SREBF2: variants seen among roughly 807,000 people sequenced by gnomAD.
The protein encoded by SREBF2 is sterol regulatory element binding transcription factor 2.
Under a neutral mutation model 113.1 loss-of-function variants are expected in SREBF2, and 55 were observed. The observed-to-expected ratio is 0.49, with a 90% CI of 0.39 to 0.61. The LOEUF (loss-of-function observed/expected upper bound fraction) is 0.61, where lower values mean the gene tolerates loss of function less well. Among genes scored for constraint, SREBF2 ranks in the 20% least tolerant of loss-of-function variants. SREBF2 has a pLI of 0.00. For missense variants in SREBF2, 1,349 were observed against 1,487.4 expected (o/e 0.91, Z 1.53); for synonymous variants, 593 against 605.7 (o/e 0.98, Z 0.31).
rs1434561437 is a variant in SREBF2, at chr22:41,900,370, A to T, written c.2779A>T (p.Met927Leu). Residue 927 changes from methionine to leucine, a missense_variant, in exon 16 of 19, where the codon ATG (methionine) becomes TTG (leucine). Coordinates refer to ENST00000361204, the MANE Select transcript of SREBF2 (RefSeq NM_004599.4). The part of the protein sequence containing the change: ...VKAIFHACRA[M>L]HASLPGKADG... ...GGCCATCTTCCATGCCTGCAGAGCC[A>T]TGCATGCCTCACTCCCTGGGAAAGC... 3 of 1,613,842 alleles carry T rather than the reference A, an allele frequency of 1.9e-6. No individual in the cohort carries two copies. The highest frequency in any genetic ancestry group is 1.7e-5 in the Admixed American group (1 of 60,026).
chr22:41,840,828 G>A (rs1805628631), intron 1 of SREBF2, among the ~76,000 whole-genome samples: 1 of 152,144 alleles, frequency 6.6e-6, no homozygotes, highest in Non-Finnish European at 1.5e-5. Flanking sequence ...TGGGGCTCTG[G>A]AGAGCTGTGT....
intron 13 of SREBF2, among the ~76,000 whole-genome samples, chr22:41,896,681 CCCAGAT>C (rs1463149795): frequency 6.6e-6 from 1 of 152,158 alleles, no homozygotes; most frequent in East Asian, 1.9e-4. Flanking sequence ...TCCTACAAGG[CCCAGAT>C]CCTGATTAGG....
chr22:41,875,966 G>A (rs2077194422), intron 7 of SREBF2, among the ~76,000 whole-genome samples: 1 of 152,224 alleles, frequency 6.6e-6, no homozygotes, highest in African/African-American at 2.4e-5. Flanking sequence ...AGAGGAATGA[G>A]TGCCAGATCC....
intron 1 of SREBF2, among the ~76,000 whole-genome samples, chr22:41,863,599 G>A (rs1235691984): frequency 1.3e-5 from 2 of 152,124 alleles, no homozygotes; most frequent in Non-Finnish European, 2.9e-5. Context: ...ATCATGTCAC[G>A]GAATTGGAAT....
chr22:41,861,689 G>A (rs9611679), intron 1 of SREBF2, among the ~76,000 whole-genome samples: 16,429 of 152,110 alleles, frequency 0.11, 1,542 homozygotes, highest in African/African-American at 0.26. Flanking sequence ...TTGAGAGGCC[G>A]AGGTAGGCGG....
chr22:41,897,098 G>T lies in SREBF2; in HGVS notation c.2542G>T (p.Val848Leu). Residue 848 changes from valine (V) to leucine (L), a missense_variant, in exon 14 of 19, where the codon GTG becomes TTG. Val to Leu is a conservative substitution (Grantham distance 32). Coordinates refer to ENST00000361204, the MANE Select transcript of SREBF2 (RefSeq NM_004599.4). The part of the protein sequence containing the change: ...LEYLKLLHSF[V>L]DSVGVMSPPL... Reference sequence around the variant, plus strand: ...GTACTTGAAATTACTTCATTCTTTTGTGGACTCTGTGGGGGTTATGAGCCC... The same window carrying T: ...GTACTTGAAATTACTTCATTCTTTTTTGGACTCTGTGGGGGTTATGAGCCC... The T allele has an allele frequency of 6.2e-7, 1 of 1,612,998 alleles. No individual in the cohort carries two copies. The highest frequency in any genetic ancestry group is 8.5e-7 in the Non-Finnish European group (1 of 1,179,906).
At chr22:41,882,974 G>T (rs1415300855) in intron 10 of SREBF2, among the ~76,000 whole-genome samples, 2 of 152,186 alleles carry the variant, frequency 1.3e-5, no homozygotes, top group East Asian at 1.9e-4. Context: ...GGTTTTTGTG[G>T]TGTGTGTCTG....
Position 41,877,209 on chromosome 22 carries a change from C to A in SREBF2, c.1387-20C>A. 6.2e-7 allele frequency: 1 copy of A among 1,613,858 alleles called. No individual in the cohort carries two copies. The highest frequency in any genetic ancestry group is 8.5e-7 in the Non-Finnish European group (1 of 1,179,824). ...AAACCTATGCAGTATTTATTCCAAC[C>A]TCGAGGCCTTGTTTTGAAGGTCAAA... On this transcript the variant is annotated intron_variant, in intron 7 of 18. Coordinates refer to ENST00000361204, the MANE Select transcript of SREBF2 (RefSeq NM_004599.4).
In SREBF2 at chr22:41,906,212, C is replaced by T; in HGVS notation, c.*552C>T. ...GTTCCCTCCCCTGGGCCTGACTGAG[C>T]CTGCTCATTGTTTTTCCCTTTATTA... On this transcript the variant is annotated 3_prime_UTR_variant, in exon 19 of 19. Coordinates refer to ENST00000361204, the MANE Select transcript of SREBF2 (RefSeq NM_004599.4). The T allele has an allele frequency of 5.8e-6, 2 of 345,734 alleles. No homozygotes were observed. Among genetic ancestry groups the T allele is most frequent in the East Asian group, 7.9e-5 (1 of 12,718 alleles). The allele number at this position is 345,734 out of a possible 1,614,324, so 21.4% of individuals were successfully genotyped here.
At position 41,897,064 on chromosome 22, in the gene SREBF2, T is replaced by C; in HGVS notation, c.2508T>C (p.Ser836=). Residue 836 remains serine (S), a synonymous_variant, in exon 14 of 19, where the codon AGT becomes AGC. Coordinates refer to ENST00000361204, the MANE Select transcript of SREBF2 (RefSeq NM_004599.4). ...CTTTTCTTCCTAGTGAATTCTCCAG[T>C]GCTCTGGAGTACTTGAAATTACTTC... The part of the protein sequence containing the change: ...DQEEESCEFS[S]ALEYLKLLHS... 1 of 1,611,608 alleles carries C rather than the reference T, an allele frequency of 6.2e-7. No homozygotes were observed.
chr22:41,892,505 G>A (rs1046965212), intron 11 of SREBF2, among the ~76,000 whole-genome samples: 1 of 151,748 alleles, frequency 6.6e-6, no homozygotes, highest in African/African-American at 2.4e-5. Context: ...AAAATTAGCC[G>A]GGCATGGTGG....
chr22:41,864,261 T>TATATATACACAC (rs1204150898), intron 1 of SREBF2, among the ~76,000 whole-genome samples: 9 of 51,002 alleles, frequency 1.8e-4, no homozygotes, highest in Admixed American at 6.6e-4. Flanking sequence ...TATATATATA[T>TATATATACACAC]ACACACACAC....
At chr22:41,844,065 C>CACACACAT (rs369136150) in intron 1 of SREBF2, among the ~76,000 whole-genome samples, 12,426 of 145,758 alleles carry the variant, frequency 0.085, 1,153 homozygotes, top group African/African-American at 0.22. Context: ...CACACACACA[C>CACACACAT]GTATATGTAT....
chr22:41,841,384 A>G (rs1477505906), intron 1 of SREBF2, among the ~76,000 whole-genome samples: 1 of 152,170 alleles, frequency 6.6e-6, no homozygotes, highest in Non-Finnish European at 1.5e-5. Context: ...TTTTCCACCC[A>G]TTTTTGTCTC....
rs2077515514 is a variant in SREBF2 at position 41,907,084 on chromosome 22, G to GCTTT, written c.*1431_*1434dup. Reference sequence around the variant, plus strand: ...CCTGGGGTGTGCTTGGACCCCACCTGCTTTCTTTCTCTCCTGCCCCTCCCC... The same window carrying GCTTT: ...CCTGGGGTGTGCTTGGACCCCACCTGCTTTCTTTCTTTCTCTCCTGCCCCTCCCC... On this transcript the variant is annotated 3_prime_UTR_variant, in exon 19 of 19. Coordinates refer to ENST00000361204, the MANE Select transcript of SREBF2 (RefSeq NM_004599.4). The GCTTT allele has an allele frequency of 2.0e-5, 3 of 152,182 alleles. No individual in the cohort carries two copies. Among genetic ancestry groups the GCTTT allele is most frequent in the Admixed American group, 2.0e-4 (3 of 15,270 alleles). The allele number at this position is 152,182 out of a possible 1,614,324, so 9.4% of individuals were successfully genotyped here. A position where few individuals can be genotyped will look rare whatever the true frequency, so the allele number is the denominator to read the frequency against.
chr22:41,895,022 G>C, intron 13 of SREBF2, 85 bp downstream of exon 13: 4 of 1,063,470 alleles, frequency 3.8e-6, no homozygotes, highest in Non-Finnish European at 5.8e-6. Flanking sequence ...CACTCCTGGA[G>C]GGAAACAAGC....
intron 2 of SREBF2, 51 bp from the exon 3 acceptor site, chr22:41,868,560 T>C: frequency 6.3e-7 from 1 of 1,593,692 alleles, no homozygotes; most frequent in Non-Finnish European, 8.6e-7. Flanking sequence ...GCAGCTGCAG[T>C]GACAGAATGC....
chr22:41,858,309 C>G (rs2076995713), intron 1 of SREBF2, among the ~76,000 whole-genome samples: 1 of 152,196 alleles, frequency 6.6e-6, no homozygotes, highest in African/African-American at 2.4e-5. Context: ...GTTTAGGTGA[C>G]TATTCCTCTG....
At chr22:41,870,853 C>T (rs1485909066) in intron 3 of SREBF2, 36 bp from the exon 4 acceptor site, 1 of 1,606,326 alleles carries the variant, frequency 6.2e-7, no homozygotes, top group Non-Finnish European at 8.5e-7. Context: ...AAGGATAATG[C>T]TATCATCCTT....
Sources: allele counts gnomAD v4.1 joint callset (sites outside exome capture counted in the v4.1 genomes callset), GRCh38; gene constraint gnomAD v4.1.1; transcripts MANE v1.5; gene names NCBI Gene and HGNC (gene_info 2026-07-23, HGNC 2026-07-21).